Variants in EPG5 observed in about 807,000 individuals in gnomAD.
EPG5 encodes the protein ectopic P-granules 5 autophagy tethering factor.
In EPG5, 159 loss-of-function variants were observed where a neutral mutation model predicts 302.7. That is an observed-to-expected ratio of 0.53 (90% CI 0.46 to 0.60). EPG5 has a LOEUF of 0.60. EPG5 is among the 20% of genes least tolerant of loss of function. EPG5 has a pLI of 0.00. For synonymous variants in EPG5, 1,158 were observed against 1,136.8 expected, an observed-to-expected ratio of 1.02 and a Z score of -0.37; for missense variants, 2,896 against 3,092.4, an observed-to-expected ratio of 0.94 and a Z score of 1.51.
chr18:45,948,089 A>C (rs1467866546), intron 6 of EPG5, among the ~76,000 whole-genome samples: 1 of 152,076 alleles, frequency 6.6e-6, no homozygotes, highest in African/African-American at 2.4e-5. Context: ...CCATTCTTCA[A>C]ACACAGCTCA....
rs2145716975 is a variant in EPG5 at position 45,916,541 on chromosome 18, C to T, written c.3281G>A (p.Gly1094Asp). 2 of 1,611,130 alleles carry T rather than the reference C, an allele frequency of 1.2e-6. 1 individual carries two copies. The highest frequency in any genetic ancestry group is 3.3e-4 in the Middle Eastern group (2 of 6,050). ...CTGTTGTGTGACACCCTGAGGGACA[C>T]CGCTGTCCAAGTGTAGGAACAAGAG... is the stretch of plus-strand genomic sequence containing the variant. The part of the protein sequence containing the change: ...HLLLFLHLDS[G>D]VPQGVTQQVT... The change falls in exon 18 of 44, where the codon GGT becomes GAT. Residue 1094 changes from glycine (G) to aspartate (D), a missense_variant. Around this residue, in one of 5 missense-constraint regions of EPG5, gnomAD observed 1,390 missense variants for 1,430.0 expected, o/e 0.97. Transcript: ENST00000282041.
intron 24 of EPG5, among the ~76,000 whole-genome samples, chr18:45,906,361 C>A (rs1487281307): frequency 1.3e-5 from 2 of 152,152 alleles, no homozygotes; most frequent in African/African-American, 4.8e-5. Flanking sequence ...TTAGGGATTT[C>A]ATTCCTACTC....
chr18:45,811,704 C>T, the EPG5 span, among the ~76,000 whole-genome samples: 2 of 152,150 alleles, frequency 1.3e-5, no homozygotes, highest in African/African-American at 4.8e-5. Flanking sequence ...AGGCCTTTGA[C>T]AAAATTCAAC....
chr18:45,897,861 A>G (rs1025535477), intron 27 of EPG5, among the ~76,000 whole-genome samples: 2 of 152,212 alleles, frequency 1.3e-5, no homozygotes, highest in African/African-American at 2.4e-5. Context: ...GTTACAATGA[A>G]AATTAGCAAA....
Position 45,870,670 on chromosome 18 carries a change from G to A in EPG5, c.6122C>T (p.Pro2041Leu). Residue 2041 changes from proline (P) to leucine (L), a missense_variant, in exon 36 of 44, where the codon CCC becomes CTC. Transcript: ENST00000282041. ...GTACAGAATGAACTCTGGCATTTTG[G>A]GTGCTGTACATGCTTCACAATAATG... ...LMHYCEACTAPKMPEFILYAF... is the reference protein window; with the variant it reads ...LMHYCEACTALKMPEFILYAF... 1 of 1,613,870 alleles carries A rather than the reference G, an allele frequency of 6.2e-7. No homozygotes were observed. The highest frequency in any genetic ancestry group is 8.5e-7 in the Non-Finnish European group (1 of 1,179,914).
chr18:45,834,226 T>C, the EPG5 span, among the ~76,000 whole-genome samples: 5 of 152,308 alleles, frequency 3.3e-5, no homozygotes, highest in South Asian at 1.0e-3. Flanking sequence ...TACCCTCTCC[T>C]GTCAGCCTGG....
intron 39 of EPG5, among the ~76,000 whole-genome samples, chr18:45,861,682 C>T (rs2048638364): frequency 6.6e-6 from 1 of 152,214 alleles, no homozygotes; most frequent in African/African-American, 2.4e-5. Flanking sequence ...TATTATCTCA[C>T]TCAATACTTA....
chr18:45,871,776 G>A (rs562342279), intron 35 of EPG5, among the ~76,000 whole-genome samples: 3 of 152,286 alleles, frequency 2.0e-5, no homozygotes, highest in Non-Finnish European at 4.4e-5. Context: ...AGAGGCTGTG[G>A]GGTGTCAGGG....
intron 1 of EPG5, among the ~76,000 whole-genome samples, chr18:45,966,971 C>T (rs2051278035): frequency 6.6e-6 from 1 of 152,084 alleles, no homozygotes; most frequent in African/African-American, 2.4e-5. Flanking sequence ...AAATGGGGTC[C>T]TGACAGAGTG....
the EPG5 span, among the ~76,000 whole-genome samples, chr18:45,841,876 C>T: frequency 6.6e-6 from 1 of 152,270 alleles, no homozygotes; most frequent in African/African-American, 2.4e-5. Context: ...GTCTTGAGGC[C>T]TCAGACAGAG....
At chr18:45,847,007 A>G (rs1209691015), downstream of EPG5, among the ~76,000 whole-genome samples, 2 of 152,234 alleles carry the variant, frequency 1.3e-5, no homozygotes, top group Non-Finnish European at 2.9e-5. Context: ...ACCTGCCTCT[A>G]GGCCACTTTC....
Position 45,917,710 on chromosome 18 carries a change from G to C in EPG5, c.3208C>G (p.Pro1070Ala), listed in dbSNP as rs762263988. ...TTCTTCAGAAGGTAATACTGGCAAG[G>C]GTAAAATAAAGGCAGAATCTTATCC... ...VLDKILPLFY[P>A]CQYYLLKNEQ... The change falls in exon 17 of 44, where the codon CCT becomes GCT. Residue 1070 changes from proline (P) to alanine (A), a missense_variant. Physicochemically the swap from Pro to Ala is conservative, Grantham distance 27. This residue lies in a region of EPG5 where 1,390 missense variants were observed against 1,430.0 expected (regional missense o/e 0.97). Transcript: ENST00000282041. 6.2e-7 allele frequency: 1 copy of C among 1,613,940 alleles called. No homozygotes were observed. The highest frequency in any genetic ancestry group is 1.1e-5 in the South Asian group (1 of 91,086).
chr18:45,958,704 T>C (rs1011746406), intron 1 of EPG5, among the ~76,000 whole-genome samples: 3 of 152,212 alleles, frequency 2.0e-5, no homozygotes, highest in Non-Finnish European at 2.9e-5. Context: ...ACTTTTAAAC[T>C]GTTAGAAGAA....
At chr18:45,923,435 T>G (rs772982552) in intron 14 of EPG5, 48 bp from the exon 15 acceptor site, 23 of 1,590,120 alleles carry the variant, frequency 1.4e-5, no homozygotes, top group Non-Finnish European at 2.0e-5. Flanking sequence ...GGTTTTGTTT[T>G]GTTTTTGTAC....
intron 2 of EPG5, chr18:45,953,788 G>C: frequency 1.0e-6 from 1 of 985,294 alleles, no homozygotes; most frequent in Non-Finnish European, 1.2e-6. Context: ...CTAGGAATCA[G>C]TTACTACCTT....
At chr18:45,870,849 G>T in intron 35 of EPG5, 107 bp from the exon 36 acceptor site, 1 of 934,444 alleles carries the variant, frequency 1.1e-6, no homozygotes, top group Non-Finnish European at 1.5e-6. Flanking sequence ...TCTCATGATT[G>T]ACCCAATTTC....
the EPG5 span, chr18:45,838,555 T>C: frequency 3.5e-5 from 31 of 881,334 alleles, no homozygotes; most frequent in Non-Finnish European, 4.9e-5. Context: ...GCAGAGATGA[T>C]AGAATCTTTC....
In EPG5 at chr18:45,852,509, G is replaced by A. The variant is rs758563360; in HGVS notation, c.7698C>T (p.Asn2566=). 13 of 1,614,220 alleles carry A rather than the reference G, an allele frequency of 8.1e-6. No individual in the cohort carries two copies. In the South Asian group the frequency reaches 1.4e-4, roughly 18 times the overall value. ...DGKSFLALLV[N]CLYPEVHYLD... is the part of the protein sequence containing the mutation. Reference sequence around the variant, plus strand: ...AATAATGCACTTCTGGATACAGACAGTTAACGAGAAGAGCCAAGAAGCTTT... The same window carrying A: ...AATAATGCACTTCTGGATACAGACAATTAACGAGAAGAGCCAAGAAGCTTT... The change falls in exon 44 of 44, where the codon AAC becomes AAT. Residue 2566 remains asparagine (N), a synonymous_variant. Transcript: ENST00000282041.
At chr18:45,878,286 A>G in intron 34 of EPG5, 90 bp downstream of exon 34, 1 of 833,514 alleles carries the variant, frequency 1.2e-6, no homozygotes, top group East Asian at 2.5e-5. Context: ...AAAAAATTAA[A>G]TCTGTGAACT....
Sources: gnomAD v4.1 joint callset for allele counts (sites outside exome capture counted in the v4.1 genomes callset) on GRCh38, gnomAD v4.1.1 for gene constraint, gnomAD v4.1.1 regional missense constraint, MANE v1.5 for transcripts, NCBI Gene and HGNC (gene_info 2026-07-23, HGNC 2026-07-21) for gene names.